Variants in CFAP90 observed in about 807,000 individuals in gnomAD.
CFAP90 encodes cilia and flagella associated protein 90.
At chr5:7,842,072 A>T in the CFAP90 span, among the ~76,000 whole-genome samples, 2 of 152,116 alleles carry the variant, frequency 1.3e-5, no homozygotes, top group African/African-American at 2.4e-5. Flanking sequence ...TTAAGCCACC[A>T]AGTCCGTGGT....
At chr5:7,837,832 C>A in the CFAP90 span, among the ~76,000 whole-genome samples, 1 of 152,284 alleles carries the variant, frequency 6.6e-6, no homozygotes. Context: ...CCAGCCACTG[C>A]GGGATCCTGG....
the CFAP90 span, chr5:7,832,038 A>C: frequency 1.4e-5 from 23 of 1,601,114 alleles, no homozygotes; most frequent in Non-Finnish European, 2.0e-5. Flanking sequence ...TCCTGGTGAA[A>C]GTTATCAAAG....
chr5:7,849,390 C>T, the CFAP90 span, among the ~76,000 whole-genome samples: 2 of 152,118 alleles, frequency 1.3e-5, no homozygotes, highest in African/African-American at 4.8e-5. Flanking sequence ...CATAAGGGAA[C>T]GATCTCCTTC....
chr5:7,839,794 T>A, the CFAP90 span, among the ~76,000 whole-genome samples: 6 of 152,200 alleles, frequency 3.9e-5, no homozygotes, highest in Non-Finnish European at 7.3e-5. Flanking sequence ...GTGCAGATTT[T>A]GCATATTCAG....
At chr5:7,843,310 G>T in the CFAP90 span, among the ~76,000 whole-genome samples, 3 of 152,138 alleles carry the variant, frequency 2.0e-5, no homozygotes, top group Non-Finnish European at 4.4e-5. Flanking sequence ...TGCTTGCGAA[G>T]GACACAATGT....
At chr5:7,835,433 G>A in the CFAP90 span, 5 of 1,608,240 alleles carry the variant, frequency 3.1e-6, no homozygotes, top group South Asian at 5.5e-5. Flanking sequence ...TGTCATCTCG[G>A]TGCAACTTCT....
the CFAP90 span, among the ~76,000 whole-genome samples, chr5:7,844,183 C>G: frequency 1.3e-5 from 2 of 152,294 alleles, no homozygotes; most frequent in African/African-American, 4.8e-5. Context: ...CCCATTCCCC[C>G]AAGCCCTGAG....
the CFAP90 span, among the ~76,000 whole-genome samples, chr5:7,833,520 AAC>A: frequency 1.7e-3 from 257 of 152,190 alleles, 2 homozygotes; most frequent in African/African-American, 5.9e-3. Flanking sequence ...CATATACACA[AAC>A]ACATGCACAC....
chr5:7,845,576 G>A, the CFAP90 span, among the ~76,000 whole-genome samples: 1 of 152,302 alleles, frequency 6.6e-6, no homozygotes, highest in Non-Finnish European at 1.5e-5. Context: ...AGACTTTGAG[G>A]AATTTAATCA....
At chr5:7,850,781 C>A in the CFAP90 span, 13 of 1,166,454 alleles carry the variant, frequency 1.1e-5, no homozygotes, top group Non-Finnish European at 1.4e-5. Context: ...CGGCCGCCCG[C>A]CCCTGCCCAG....
At chr5:7,837,031 AT>A in the CFAP90 span, among the ~76,000 whole-genome samples, 1 of 151,964 alleles carries the variant, frequency 6.6e-6, no homozygotes, top group Non-Finnish European at 1.5e-5. Context: ...AGATAAAAGT[AT>A]TTTTTCTTTA....
At chr5:7,849,845 C>T in the CFAP90 span, among the ~76,000 whole-genome samples, 1 of 152,112 alleles carries the variant, frequency 6.6e-6, no homozygotes, top group Non-Finnish European at 1.5e-5. Context: ...CGCCCTGGAC[C>T]ATCCGGGCGT....
At chr5:7,831,539 T>G in the CFAP90 span, 17 of 226,816 alleles carry the variant, frequency 7.5e-5, 1 homozygote, top group Middle Eastern at 4.5e-3. Flanking sequence ...AAACAAAGTT[T>G]TCATTTTATT....
At chr5:7,836,852 G>A in the CFAP90 span, among the ~76,000 whole-genome samples, 2 of 152,030 alleles carry the variant, frequency 1.3e-5, no homozygotes, top group African/African-American at 4.8e-5. Flanking sequence ...AGTGCTTTGG[G>A]AGAGACAAGA....
chr5:7,832,869 G>C, the CFAP90 span, among the ~76,000 whole-genome samples: 1 of 152,328 alleles, frequency 6.6e-6, no homozygotes, highest in South Asian at 2.1e-4. Flanking sequence ...ACCTGCCACA[G>C]TTTTCTCCTG....
At chr5:7,837,942 A>G in the CFAP90 span, among the ~76,000 whole-genome samples, 2 of 152,146 alleles carry the variant, frequency 1.3e-5, no homozygotes, top group East Asian at 3.8e-4. Context: ...TGGCCATTTT[A>G]TGAGTTCACC....
chr5:7,835,399 G>C, the CFAP90 span: 4 of 1,590,696 alleles, frequency 2.5e-6, no homozygotes, highest in East Asian at 6.7e-5. Flanking sequence ...TTAACATGAA[G>C]TCCCAGGCTT....
At chr5:7,850,453 C>T in the CFAP90 span, among the ~76,000 whole-genome samples, 1 of 151,968 alleles carries the variant, frequency 6.6e-6, no homozygotes, top group African/African-American at 2.4e-5. Context: ...TCCCAGGGCC[C>T]CTCCTCGTTG....
the CFAP90 span, among the ~76,000 whole-genome samples, chr5:7,835,204 G>T: frequency 6.6e-6 from 1 of 152,096 alleles, no homozygotes; most frequent in Non-Finnish European, 1.5e-5. Flanking sequence ...GTGAGCACAC[G>T]CTGTTGGAAA....
Sources: allele counts gnomAD v4.1 joint callset (sites outside exome capture counted in the v4.1 genomes callset), GRCh38; gene constraint gnomAD v4.1.1; transcripts MANE v1.5; gene names NCBI Gene and HGNC (gene_info 2026-07-23, HGNC 2026-07-21).